Variants in UGT1A8 observed in about 807,000 individuals in gnomAD.
UGT1A8 encodes the protein UDP-glucuronosyltransferase 1A8.
Under a neutral mutation model 45.3 loss-of-function variants are expected in UGT1A8, and 39 were observed. That is an observed-to-expected ratio of 0.86 (90% CI 0.67 to 1.12). The LOEUF (loss-of-function observed/expected upper bound fraction) is 1.12, where lower values mean the gene tolerates loss of function less well. Among genes scored for constraint, UGT1A8 ranks in the 50% most tolerant of loss-of-function variants. The pLI, the probability that UGT1A8 is intolerant of heterozygous loss-of-function variation, is 0.00. For missense variants in UGT1A8, 719 were observed against 664.9 expected, an observed-to-expected ratio of 1.08 and a Z score of -0.90; for synonymous variants, 275 against 249.2, an observed-to-expected ratio of 1.10 and a Z score of -0.97.
At chr2:233,707,017 G>A (rs2075935738) in intron 1 of UGT1A8, among the ~76,000 whole-genome samples, 1 of 152,116 alleles carries the variant, frequency 6.6e-6, no homozygotes, top group African/African-American at 2.4e-5. Flanking sequence ...AGGATCCATG[G>A]TCAGCCAGCC....
intron 1 of UGT1A8, chr2:233,719,568 A>C (rs1164551922): frequency 1.9e-6 from 3 of 1,613,756 alleles, no homozygotes; most frequent in East Asian, 2.2e-5. Flanking sequence ...GGATCTTGTC[A>C]GCTATGCATC....
intron 1 of UGT1A8, among the ~76,000 whole-genome samples, chr2:233,749,044 C>T (rs1240324138): frequency 6.6e-6 from 1 of 151,716 alleles, no homozygotes. Context: ...TGATGTGGTA[C>T]TCTGGGACCT....
At chr2:233,709,447 T>C (rs756561648) in intron 1 of UGT1A8, among the ~76,000 whole-genome samples, 19 of 152,250 alleles carry the variant, frequency 1.2e-4, no homozygotes, top group Non-Finnish European at 2.2e-4. Flanking sequence ...ACCTGCCGAC[T>C]TTTAAAGCAA....
At chr2:233,747,854 G>A (rs28900382) in intron 1 of UGT1A8, 43 of 1,613,390 alleles carry the variant, frequency 2.7e-5, no homozygotes, top group Non-Finnish European at 3.6e-5. Flanking sequence ...TCAAGAACAT[G>A]CTCTACCCTC....
intron 1 of UGT1A8, among the ~76,000 whole-genome samples, chr2:233,642,492 A>G (rs2073477385): frequency 6.6e-6 from 1 of 152,204 alleles, no homozygotes; most frequent in Non-Finnish European, 1.5e-5. Context: ...GGTCGCTTAT[A>G]TCTGTTTCTC....
At chr2:233,689,671 A>G (rs1559343739) in intron 1 of UGT1A8, among the ~76,000 whole-genome samples, 2 of 152,208 alleles carry the variant, frequency 1.3e-5, no homozygotes, top group East Asian at 1.9e-4. Context: ...CCAAGAACAA[A>G]GAATGGCTGT....
chr2:233,659,268 T>C (rs2073917941), intron 1 of UGT1A8, among the ~76,000 whole-genome samples: 1 of 152,144 alleles, frequency 6.6e-6, no homozygotes, highest in Non-Finnish European at 1.5e-5. Flanking sequence ...ACCTCGCAGG[T>C]AGTCTAAAAT....
chr2:233,730,114 C>G (rs2125751951), intron 1 of UGT1A8: 1 of 1,562,004 alleles, frequency 6.4e-7, no homozygotes, highest in Admixed American at 1.9e-5. Context: ...TCTGCTTCTC[C>G]TTGTCATAAT....
chr2:233,699,578 A>G (rs2075513804), intron 1 of UGT1A8, among the ~76,000 whole-genome samples: 1 of 152,218 alleles, frequency 6.6e-6, no homozygotes, highest in Non-Finnish European at 1.5e-5. Context: ...TGGCTCTAGG[A>G]CATCCTTTCT....
At chr2:233,659,270 G>T (rs1112310) in intron 1 of UGT1A8, among the ~76,000 whole-genome samples, 37,869 of 152,044 alleles carry the variant, frequency 0.25, 5,180 homozygotes, top group East Asian at 0.52. Context: ...CTCGCAGGTA[G>T]TCTAAAATCC....
intron 1 of UGT1A8, chr2:233,761,074 G>C (rs1315793944): frequency 1.2e-6 from 2 of 1,614,148 alleles, no homozygotes; most frequent in Admixed American, 1.7e-5. Context: ...CTTTGTGAAG[G>C]ATTACCCTAG....
intron 1 of UGT1A8, chr2:233,637,460 C>T (rs927029993): frequency 6.6e-6 from 10 of 1,505,844 alleles, no homozygotes; most frequent in Admixed American, 2.3e-5. Flanking sequence ...TGTGATTTGA[C>T]ATTTTCGTTT....
In UGT1A8 at chr2:233,768,425, C is replaced by T. The variant is rs1021872145; in HGVS notation, c.1281C>T (p.Val427=). Residue 427 remains valine, a synonymous_variant, in exon 4 of 5, where the codon GTC becomes GTT. Transcript: ENST00000373450. The part of the protein sequence containing the change: ...SEDLENALKA[V]INDKSYKENI... ...ATTTAGAAAATGCTCTAAAAGCAGT[C>T]ATCAATGACAAAAGGTAAGAAAGAA... 1.2e-6 allele frequency: 2 copies of T among 1,613,876 alleles called. No homozygotes were observed. The highest frequency in any genetic ancestry group is 1.7e-5 in the Admixed American group (1 of 59,984).
At chr2:233,747,891 C>G (rs562741642) in intron 1 of UGT1A8, 201 of 1,612,980 alleles carry the variant, frequency 1.2e-4, no homozygotes, top group East Asian at 4.9e-4. Context: ...TTGCCATGCT[C>G]TTTCTGCTCC....
At chr2:233,744,388 A>G (rs1176772242) in intron 1 of UGT1A8, among the ~76,000 whole-genome samples, 1 of 151,864 alleles carries the variant, frequency 6.6e-6, no homozygotes, top group Non-Finnish European at 1.5e-5. Flanking sequence ...CCAACGTTCC[A>G]GCCCCGGTGC....
chr2:233,688,101 CCTT>C (rs1188929741), intron 1 of UGT1A8, among the ~76,000 whole-genome samples: 2 of 152,190 alleles, frequency 1.3e-5, no homozygotes, highest in Admixed American at 6.5e-5. Context: ...TATTTCTCCC[CCTT>C]CTTCTACCCC....
chr2:233,684,642 A>G (rs2074689250), intron 1 of UGT1A8, among the ~76,000 whole-genome samples: 1 of 152,206 alleles, frequency 6.6e-6, no homozygotes, highest in African/African-American at 2.4e-5. Flanking sequence ...TATAAAATAT[A>G]TGCATTTATA....
At chr2:233,692,689 G>A (rs2075110228) in intron 1 of UGT1A8, among the ~76,000 whole-genome samples, 1 of 152,206 alleles carries the variant, frequency 6.6e-6, no homozygotes, top group South Asian at 2.1e-4. Context: ...GGGGTCCTCA[G>A]GGGTCTCTCC....
At chr2:233,747,965 T>C (rs1575687176) in intron 1 of UGT1A8, 2 of 1,613,472 alleles carry the variant, frequency 1.2e-6, no homozygotes, top group Non-Finnish European at 1.7e-6. Flanking sequence ...TTCTCAGCCA[T>C]GCATCTGTGT....
Sources: gnomAD v4.1 joint callset for allele counts (sites outside exome capture counted in the v4.1 genomes callset) on GRCh38, gnomAD v4.1.1 for gene constraint, MANE v1.5 for transcripts, NCBI Gene and HGNC (gene_info 2026-07-23, HGNC 2026-07-21) for gene names.